The following RAD50 variants were observed in gnomAD, a reference collection of about 807,000 sequenced individuals.
RAD50 encodes the protein DNA repair protein RAD50.
RAD50 carries 132 observed loss-of-function variants against 168.8 expected under a neutral mutation model. The ratio of observed to expected loss-of-function variants is 0.78; its 90% CI spans 0.68 to 0.90. The LOEUF is 0.90. RAD50 is among the 40% of genes least tolerant of loss of function. The pLI, the probability that RAD50 is intolerant of heterozygous loss-of-function variation, is 0.00. For synonymous variants in RAD50, 525 were observed against 497.4 expected (o/e 1.06, Z -0.74); for missense variants, 1,347 against 1,534.4 (o/e 0.88, Z 2.04).
intron 21 of RAD50, among the ~76,000 whole-genome samples, chr5:132,629,869 T>C (rs979538617): frequency 4.6e-5 from 7 of 152,052 alleles, no homozygotes; most frequent in Non-Finnish European, 7.4e-5. Context: ...CAGAGACACA[T>C]AGATGAAAAG....
intron 5 of RAD50, among the ~76,000 whole-genome samples, chr5:132,583,123 T>G (rs920325872): frequency 6.6e-6 from 1 of 152,218 alleles, no homozygotes; most frequent in African/African-American, 2.4e-5. Context: ...TTTGTTAGAC[T>G]CTACTCAAAA....
intron 21 of RAD50, among the ~76,000 whole-genome samples, chr5:132,619,821 T>TCTACTCCC (rs1751246866): frequency 7.6e-6 from 1 of 132,312 alleles, no homozygotes; most frequent in African/African-American, 3.0e-5. Context: ...TACTCCTCTC[T>TCTACTCCC]CTCTCTCTCT....
rs371823530 is a variant in RAD50, at chr5:132,603,430, C to G, written c.2338C>G (p.Pro780Ala). The change falls in exon 14 of 25, where the codon CCT becomes GCT. Residue 780 changes from proline to alanine, a missense_variant. By Grantham distance (27) the Pro-to-Ala change is conservative (BLOSUM62 -1). This residue lies in a region of RAD50 where 635 missense variants were observed against 739.2 expected (regional missense o/e 0.86). Transcript: ENST00000378823. ...EQETLLGTIM[P>A]EEESAKVCLT... ...AGAAACACTCTTGGGTACAATAATG[C>G]CTGAAGAAGAAAGTGCCAAAGTATG... 1 of 1,613,710 alleles carries G rather than the reference C, an allele frequency of 6.2e-7. No homozygotes were observed. The highest frequency in any genetic ancestry group is 1.3e-5 in the African/African-American group (1 of 74,882).
intron 19 of RAD50, among the ~76,000 whole-genome samples, chr5:132,612,999 C>A (rs923569215): frequency 2.0e-5 from 3 of 151,914 alleles, no homozygotes; most frequent in African/African-American, 4.8e-5. Flanking sequence ...AGCTTTCAGG[C>A]AGTCTTGTAG....
chr5:132,582,104 A>G (rs1056709488), intron 5 of RAD50, among the ~76,000 whole-genome samples: 3 of 152,354 alleles, frequency 2.0e-5, no homozygotes, highest in Middle Eastern at 6.8e-3. Flanking sequence ...ACATAGAGAC[A>G]GTAAAATCCA....
rs199578245 is a variant in RAD50 at position 132,603,888 on chromosome 5, A to G, written c.2398-32A>G. The G allele has an allele frequency of 6.5e-4, 1,006 of 1,538,086 alleles. 3 individuals are homozygous for G. Among genetic ancestry groups the G allele is most frequent in the South Asian group, 2.5e-3 (220 of 87,646 alleles). ...AGATTTTGAATAATGCAGTAAGTTT[A>G]TTAAAGGAAATCATTTTGTTATATT... On this transcript the variant is annotated intron_variant, in intron 14 of 24. Transcript: ENST00000378823.
intron 2 of RAD50, among the ~76,000 whole-genome samples, chr5:132,573,703 C>T (rs1274873586): frequency 6.6e-6 from 1 of 152,182 alleles, no homozygotes; most frequent in African/African-American, 2.4e-5. Context: ...CGCCTGTAAA[C>T]TCAAAAGCAA....
intron 21 of RAD50, among the ~76,000 whole-genome samples, chr5:132,625,862 T>G (rs1268307224): frequency 6.6e-6 from 1 of 152,212 alleles, no homozygotes; most frequent in Non-Finnish European, 1.5e-5. Context: ...GGATCTCATT[T>G]TATTTTATGG....
rs1554098578 is a variant in RAD50, at chr5:132,594,862, A to AT, written c.1794-3dup. The AT allele has an allele frequency of 1.3e-6, 2 of 1,596,670 alleles. No homozygotes were observed. Among genetic ancestry groups the AT allele is most frequent in the African/African-American group, 2.7e-5 (2 of 74,472 alleles). ...AAAATGAAAATCCATATTTGCTCTT[A>AT]TTTTAGCAAGGAACTAGCTTCATCT... On this transcript the variant is annotated splice_region_variant and splice_polypyrimidine_tract_variant and intron_variant, in intron 11 of 24. Coordinates refer to ENST00000378823, the MANE Select transcript of RAD50 (RefSeq NM_005732.4).
rs774948650 is a variant in RAD50, at chr5:132,587,907, A to G, written c.886-17A>G. The G allele has an allele frequency of 6.2e-7, 1 of 1,610,688 alleles. No individual in the cohort carries two copies. The highest frequency in any genetic ancestry group is 8.5e-7 in the Non-Finnish European group (1 of 1,177,344). On this transcript the variant is annotated splice_polypyrimidine_tract_variant and intron_variant, in intron 6 of 24. Coordinates refer to ENST00000378823, the MANE Select transcript of RAD50 (RefSeq NM_005732.4). ...TTATGTTTGTACATTAAAGCTTTTT[A>G]TTTTGGTGTTACACAGGTTTTTCAA... is the stretch of plus-strand genomic sequence containing the variant.
At chr5:132,641,970 G>T (rs565341587) in intron 24 of RAD50, 3 of 587,478 alleles carry the variant, frequency 5.1e-6, no homozygotes, top group African/African-American at 3.7e-5. Context: ...GAGGAGTCAG[G>T]CCATGTGTCC....
chr5:132,563,014 G>A (rs563213896), intron 2 of RAD50, among the ~76,000 whole-genome samples: 9 of 152,274 alleles, frequency 5.9e-5, no homozygotes, highest in Admixed American at 2.0e-4. Flanking sequence ...TGTGGAGTCC[G>A]TTGTTGCTCT....
intron 2 of RAD50, 31 bp from the exon 3 acceptor site, chr5:132,575,746 A>G: frequency 1.3e-6 from 2 of 1,554,544 alleles, no homozygotes; most frequent in Non-Finnish European, 1.8e-6. Flanking sequence ...TATTAAAGTA[A>G]CATAAGTTTT....
Position 132,601,824 on chromosome 5 carries a change from G to A in RAD50, c.2208-1476G>A, listed in dbSNP as rs1750893789. Among the ~76,000 whole-genome samples the A allele has an allele frequency of 3.9e-5, 6 of 152,286 alleles. No individual in the cohort carries two copies. The South Asian group carries it at 1.0e-3, about 26-fold the overall frequency. On this transcript the variant is annotated intron_variant, in intron 13 of 24. Coordinates refer to ENST00000378823, the MANE Select transcript of RAD50 (RefSeq NM_005732.4). ...ATAAAAGGATGAGTTCATGTCCCTTGCAGGGACATGGATGAAGCTGGAAAC... is the reference window on the plus strand; with the variant it reads ...ATAAAAGGATGAGTTCATGTCCCTTACAGGGACATGGATGAAGCTGGAAAC...
intron 16 of RAD50, among the ~76,000 whole-genome samples, chr5:132,606,730 G>A (rs550911764): frequency 7.9e-5 from 12 of 152,244 alleles, no homozygotes; most frequent in African/African-American, 2.9e-4. Context: ...ATAAAATACT[G>A]GCAAACCGAA....
In RAD50 at chr5:132,591,305, G is replaced by T. The variant is rs147366706; in HGVS notation, c.1534G>T (p.Ala512Ser). The change falls in exon 10 of 25, where the codon GCA (alanine) becomes TCA (serine). Residue 512 changes from alanine to serine, a missense_variant. Physicochemically the swap from Ala to Ser is moderately conservative, Grantham distance 99 (BLOSUM62 1). Around this residue, in one of 3 missense-constraint regions of RAD50, gnomAD observed 703 missense variants for 767.7 expected, o/e 0.92. Transcript: ENST00000378823. Reference protein sequence around the residue: ...MEVISLQNEKADLDRTLRKLD... With the variant: ...MEVISLQNEKSDLDRTLRKLD... ...AGTAATAAGTCTCCAAAATGAAAAA[G>T]CAGACTTAGACAGGACCCTGCGTAA... 1.3e-4 allele frequency: 205 copies of T among 1,613,482 alleles called. No individual in the cohort carries two copies. In the African/African-American group the frequency reaches 2.3e-3, roughly 18 times the overall value.
chr5:132,590,420 A>C (rs1750677400), intron 9 of RAD50, among the ~76,000 whole-genome samples: 1 of 152,206 alleles, frequency 6.6e-6, no homozygotes, highest in Non-Finnish European at 1.5e-5. Context: ...CAGTGAGCCA[A>C]GATTGCGCCA....
At chr5:132,640,861 G>A (rs995459352) in intron 24 of RAD50, 56 bp downstream of exon 24, 14 of 1,609,592 alleles carry the variant, frequency 8.7e-6, no homozygotes, top group Non-Finnish European at 1.1e-5. Flanking sequence ...TTGGGGACAG[G>A]TTGTGATAGT....
At chr5:132,639,415 C>G (rs1751669285) in intron 23 of RAD50, among the ~76,000 whole-genome samples, 1 of 151,660 alleles carries the variant, frequency 6.6e-6, no homozygotes, top group Non-Finnish European at 1.5e-5. Context: ...GCCTAGACAG[C>G]TGATCCCAAT....
Sources: gnomAD v4.1 joint callset for allele counts (sites outside exome capture counted in the v4.1 genomes callset) on GRCh38, gnomAD v4.1.1 for gene constraint, gnomAD v4.1.1 regional missense constraint, MANE v1.5 for transcripts, NCBI Gene and HGNC (gene_info 2026-07-23, HGNC 2026-07-21) for gene names.